HRK: variants seen among roughly 807,000 people sequenced by gnomAD.
HRK encodes harakiri, BCL2 interacting protein.
HRK carries 6 observed loss-of-function variants against 5.9 expected under a neutral mutation model. That is an observed-to-expected ratio of 1.02 (90% CI 0.56 to 2.01). The LOEUF (loss-of-function observed/expected upper bound fraction) is 2.01. HRK is among the 30% of genes most tolerant of loss of function. HRK has a pLI of 0.00. For missense variants in HRK, 133 were observed against 128.3 expected, an observed-to-expected ratio of 1.04 and a Z score of -0.18; for synonymous variants, 85 against 65.1, an observed-to-expected ratio of 1.31 and a Z score of -1.47.
At chr12:116,874,361 C>T (rs1878861202) in intron 1 of HRK, among the ~76,000 whole-genome samples, 1 of 152,204 alleles carries the variant, frequency 6.6e-6, no homozygotes, top group East Asian at 1.9e-4. Context: ...TGGCTCCTTT[C>T]TGTCATTCAA....
chr12:116,875,054 T>A (rs73393789), intron 1 of HRK, among the ~76,000 whole-genome samples: 8,008 of 152,204 alleles, frequency 0.053, 485 homozygotes, highest in African/African-American at 0.14. Flanking sequence ...AAAAAAAATT[T>A]AAAAATAACA....
chr12:116,868,467 G>C (rs982856709), intron 1 of HRK, among the ~76,000 whole-genome samples: 1 of 152,160 alleles, frequency 6.6e-6, no homozygotes. Flanking sequence ...GACGGAGATG[G>C]GTTAGATGTC....
Position 116,878,789 on chromosome 12 carries a change from T to TGTG in HRK, c.*56+2184_*56+2186dup, listed in dbSNP as rs2137255574. Among the ~76,000 whole-genome samples, 1 of 151,604 alleles carries TGTG rather than the reference T, an allele frequency of 6.6e-6. No homozygotes were observed. The highest frequency in any genetic ancestry group is 6.6e-5 in the Admixed American group (1 of 15,246). ...GGCAGGTAGGAGAAGAACCCAGAGG[T>TGTG]GTGGGAAGAGGGTGTCTCCGAGTCA... On this transcript the variant is annotated intron_variant, in intron 1 of 1. Coordinates refer to ENST00000257572, the MANE Select transcript of HRK (RefSeq NM_003806.4). The surrounding 1 kb of genome is among the most constrained non-coding windows in gnomAD (Gnocchi z 4.4).
At chr12:116,880,536 G>A in intron 1 of HRK, among the ~76,000 whole-genome samples, 1 of 152,154 alleles carries the variant, frequency 6.6e-6, no homozygotes, top group East Asian at 1.9e-4. Flanking sequence ...AGACGGGGGC[G>A]ACTCAGGAAC....
chr12:116,856,640 C>G lies in HRK; in HGVS notation c.*4883G>C, dbSNP rs1455290249. 1.3e-5 allele frequency: 2 copies of G among 152,392 alleles called. No individual in the cohort carries two copies. Among genetic ancestry groups the G allele is most frequent in the African/African-American group, 4.8e-5 (2 of 41,572 alleles). 9.4% of individuals were successfully genotyped at this position (152,392 alleles called of 1,614,324 possible). A position where few individuals can be genotyped will look rare whatever the true frequency, so the allele number is the denominator to read the frequency against. ...TTTTCCAGTAGACCTAAGTCAGGCC[C>G]CGGCTCCCAGTGGGGCCATGTGCTG... On this transcript the variant is annotated 3_prime_UTR_variant, in exon 2 of 2. Coordinates refer to ENST00000257572, the MANE Select transcript of HRK (RefSeq NM_003806.4). The surrounding 1 kb of genome is among the most constrained non-coding windows in gnomAD (Gnocchi z 4.4).
At chr12:116,875,345 C>A (rs1307811954) in intron 1 of HRK, among the ~76,000 whole-genome samples, 1 of 152,068 alleles carries the variant, frequency 6.6e-6, no homozygotes. Context: ...GAAGTAGTAA[C>A]AAGAACAATA....
In HRK at chr12:116,860,344, A is replaced by G. The variant is rs1252561533; in HGVS notation, c.*1179T>C. 2.6e-5 allele frequency: 4 copies of G among 152,200 alleles called. No homozygotes were observed. The highest frequency in any genetic ancestry group is 5.9e-5 in the Non-Finnish European group (4 of 68,052). The allele number at this position is 152,200 out of a possible 1,614,324, so 9.4% of individuals were successfully genotyped here. ...GGGGAAAAAAATCAGACCTCTGTCAATCAGTGAGATGCTGGTGCATTTCAT... is the reference window on the plus strand; with the variant it reads ...GGGGAAAAAAATCAGACCTCTGTCAGTCAGTGAGATGCTGGTGCATTTCAT... On this transcript the variant is annotated 3_prime_UTR_variant, in exon 2 of 2. Transcript: ENST00000257572.
intron 1 of HRK, among the ~76,000 whole-genome samples, chr12:116,873,833 C>A (rs73393784): frequency 6.6e-6 from 1 of 152,100 alleles, no homozygotes; most frequent in African/African-American, 2.4e-5. Context: ...AAGGAAGGAG[C>A]TTTCTCCTTG....
rs1443008595 is a variant in HRK, at chr12:116,862,867, GC to G, written c.*57-1402del. Among the ~76,000 whole-genome samples the G allele has an allele frequency of 6.6e-5, 10 of 152,134 alleles. No homozygotes were observed. Among genetic ancestry groups the G allele is most frequent in the Non-Finnish European group, 1.3e-4 (9 of 68,034 alleles). ...GCCTCCTGCCTCAGCCTCCCAAGTA[GC>G]TGGGACTACAGGTGCATGCCATCAT... On this transcript the variant is annotated intron_variant, in intron 1 of 1. Coordinates refer to ENST00000257572, the MANE Select transcript of HRK (RefSeq NM_003806.4). This position sits in a 1 kb window ranked among gnomAD's most constrained non-coding sequence, Gnocchi z 4.0.
At chr12:116,863,047 C>T (rs184199846) in intron 1 of HRK, among the ~76,000 whole-genome samples, 1 of 152,226 alleles carries the variant, frequency 6.6e-6, no homozygotes, top group Admixed American at 6.5e-5. Context: ...CTTAAAAGGA[C>T]AGATAAGGTG....
rs1593002412 is a variant in HRK at position 116,860,002 on chromosome 12, G to A, written c.*1521C>T. The stretch of plus-strand genomic sequence containing the variant: ...CTTAAACATGGATCCCACTGCTGGC[G>A]TCTTAGAACTGGAGCGGTGTCTGCT... On this transcript the variant is annotated 3_prime_UTR_variant, in exon 2 of 2. Coordinates refer to ENST00000257572, the MANE Select transcript of HRK (RefSeq NM_003806.4). The A allele has an allele frequency of 2.0e-5, 3 of 152,328 alleles. No homozygotes were observed. The highest frequency in any genetic ancestry group is 2.1e-4 in the South Asian group (1 of 4,820). The allele number at this position is 152,328 out of a possible 1,614,324, so 9.4% of individuals were successfully genotyped here.
chr12:116,865,901 T>G (rs1340732203), intron 1 of HRK, among the ~76,000 whole-genome samples: 3 of 152,296 alleles, frequency 2.0e-5, no homozygotes, highest in East Asian at 3.9e-4. Context: ...CTCACGCCTG[T>G]AATCCCAGCA....
chr12:116,871,603 C>CA (rs148974119), intron 1 of HRK, among the ~76,000 whole-genome samples: 4 of 137,352 alleles, frequency 2.9e-5, no homozygotes, highest in South Asian at 2.3e-4. Flanking sequence ...CGTGCCCAGC[C>CA]AAAAAAAAAA....
intron 1 of HRK, among the ~76,000 whole-genome samples, chr12:116,863,885 A>G (rs1303176839): frequency 6.6e-6 from 1 of 151,944 alleles, no homozygotes; most frequent in Non-Finnish European, 1.5e-5. Flanking sequence ...TTTTTCTTTT[A>G]GAGACAGGGT....
intron 1 of HRK, among the ~76,000 whole-genome samples, chr12:116,874,811 A>G (rs1026278699): frequency 6.6e-6 from 1 of 152,156 alleles, no homozygotes; most frequent in African/African-American, 2.4e-5. Context: ...AGCTGCTCCA[A>G]TTGACAGCCC....
intron 1 of HRK, among the ~76,000 whole-genome samples, chr12:116,880,523 T>A (rs983467603): frequency 6.6e-6 from 1 of 152,032 alleles, no homozygotes; most frequent in Non-Finnish European, 1.5e-5. Flanking sequence ...GCAAAGGTGA[T>A]GGAGACGGGG....
intron 1 of HRK, among the ~76,000 whole-genome samples, chr12:116,863,248 G>A (rs1366562888): frequency 6.6e-6 from 1 of 152,168 alleles, no homozygotes; most frequent in Non-Finnish European, 1.5e-5. Context: ...TGGTACCCTT[G>A]ACTTCTGGCT....
intron 1 of HRK, among the ~76,000 whole-genome samples, chr12:116,867,202 C>T (rs997892019): frequency 1.3e-5 from 2 of 150,650 alleles, no homozygotes; most frequent in African/African-American, 4.9e-5. Flanking sequence ...AGTGCAATAG[C>T]GTAATCTTGG....
chr12:116,871,099 TTTG>T (rs1878730923), intron 1 of HRK, among the ~76,000 whole-genome samples: 1 of 132,904 alleles, frequency 7.5e-6, no homozygotes. Flanking sequence ...TTGTTTTTGT[TTTG>T]TTTTGTTTTG....
Sources: gnomAD v4.1 joint callset for allele counts (sites outside exome capture counted in the v4.1 genomes callset) on GRCh38, gnomAD v4.1.1 for gene constraint, Gnocchi (gnomAD v3.1) non-coding constraint, MANE v1.5 for transcripts, NCBI Gene and HGNC (gene_info 2026-07-23, HGNC 2026-07-21) for gene names.